The following INSIG2 variants were observed in gnomAD, a reference collection of about 807,000 sequenced individuals.
INSIG2 encodes the protein insulin-induced gene 2 protein.
INSIG2 carries 10 observed loss-of-function variants against 27.2 expected under a neutral mutation model. That is an observed-to-expected ratio of 0.37 (90% confidence interval 0.23 to 0.62). The LOEUF is 0.62. INSIG2 is among the 20% of genes least tolerant of loss of function. The pLI is 0.65. For missense variants in INSIG2, 178 were observed against 270.2 expected, an observed-to-expected ratio of 0.66 and a Z score of 2.39; for synonymous variants, 97 against 95.8, an observed-to-expected ratio of 1.01 and a Z score of -0.07.
At chr2:118,108,212 G>GT (rs2104542514) in intron 5 of INSIG2, 69 bp from the exon 6 acceptor site, 1 of 1,025,466 alleles carries the variant, frequency 9.8e-7, no homozygotes, top group Admixed American at 2.4e-5. Context: ...GAGCTTTTCA[G>GT]TTTATTTGGA....
intron 2 of INSIG2, 112 bp downstream of exon 2, chr2:118,096,912 AT>A: frequency 1.7e-6 from 2 of 1,209,322 alleles, no homozygotes; most frequent in Non-Finnish European, 2.3e-6. Flanking sequence ...TTGAGATATA[AT>A]TTAGGTATAA....
At chr2:118,093,070 A>G (rs1678298732) in intron 1 of INSIG2, among the ~76,000 whole-genome samples, 1 of 103,208 alleles carries the variant, frequency 9.7e-6, no homozygotes, top group South Asian at 3.4e-4. Flanking sequence ...ACCTTGCCAA[A>G]AGCAACCAGA....
intron 1 of INSIG2, among the ~76,000 whole-genome samples, chr2:118,091,576 G>C (rs142407228): frequency 6.6e-6 from 1 of 152,120 alleles, no homozygotes; most frequent in Non-Finnish European, 1.5e-5. Flanking sequence ...TCGCATGGGG[G>C]TCTCATACCC....
chr2:118,101,311 G>A (rs775319927), intron 2 of INSIG2, among the ~76,000 whole-genome samples: 11 of 152,144 alleles, frequency 7.2e-5, no homozygotes, highest in Non-Finnish European at 1.5e-4. Context: ...ATTTTTATTG[G>A]CAAATCCCAG....
chr2:118,102,045 A>AG (rs1490695908), intron 2 of INSIG2, among the ~76,000 whole-genome samples: 1 of 152,212 alleles, frequency 6.6e-6, no homozygotes, highest in East Asian at 1.9e-4. Flanking sequence ...TGTGAGATAC[A>AG]GCTGGCTAAT....
intron 2 of INSIG2, among the ~76,000 whole-genome samples, chr2:118,102,025 A>G (rs974646390): frequency 6.6e-6 from 1 of 152,192 alleles, no homozygotes; most frequent in African/African-American, 2.4e-5. Context: ...CGAAGAGTGA[A>G]TGCATTGCCT....
chr2:118,093,947 G>T lies in INSIG2; in HGVS notation c.-138-2472G>T, dbSNP rs1223435623. Reference sequence around the variant, plus strand: ...CAGATGATGATGATGATGATGAGGAGGAGGAGGAGGAGGAGGAGGAGGAGG... The same window carrying T: ...CAGATGATGATGATGATGATGAGGATGAGGAGGAGGAGGAGGAGGAGGAGG... On this transcript the variant is annotated intron_variant, in intron 1 of 5. Coordinates refer to ENST00000245787, the MANE Select transcript of INSIG2 (RefSeq NM_016133.4). Among the ~76,000 whole-genome samples the T allele has an allele frequency of 1.1e-3, 39 of 36,262 alleles. 2 individuals are homozygous for T. Among genetic ancestry groups the T allele is most frequent in the African/African-American group, 2.8e-3 (25 of 8,988 alleles). The allele number at this position is 36,262 out of a possible 152,430, so 23.8% of individuals were successfully genotyped here.
At chr2:118,106,531 T>G in intron 3 of INSIG2, 1 of 495,736 alleles carries the variant, frequency 2.0e-6, no homozygotes, top group South Asian at 3.9e-5. Flanking sequence ...ATCTATTGAT[T>G]AATGTCTTTT....
intron 5 of INSIG2, 30 bp from the exon 6 acceptor site, chr2:118,108,251 G>A (rs1558838342): frequency 6.6e-7 from 1 of 1,517,726 alleles, no homozygotes; most frequent in South Asian, 1.2e-5. Context: ...GTCTTAATCT[G>A]TTAACCTTTT....
intron 2 of INSIG2, among the ~76,000 whole-genome samples, chr2:118,102,210 C>G (rs1011302317): frequency 1.3e-5 from 2 of 152,188 alleles, no homozygotes; most frequent in Non-Finnish European, 2.9e-5. Context: ...ACATAATCAT[C>G]CTGTTTTTAG....
chr2:118,092,339 T>G (rs1233387512), intron 1 of INSIG2, among the ~76,000 whole-genome samples: 5 of 152,188 alleles, frequency 3.3e-5, no homozygotes, highest in Non-Finnish European at 1.5e-5. Context: ...CTTTAAAACA[T>G]TTTCACACCT....
At chr2:118,102,632 C>G (rs1365431521) in intron 2 of INSIG2, 2 of 152,908 alleles carry the variant, frequency 1.3e-5, no homozygotes, top group Non-Finnish European at 2.9e-5. Context: ...AAAGGTGCTA[C>G]ATGCTGAAGA....
chr2:118,093,537 G>GATGAT (rs1678316372), intron 1 of INSIG2, among the ~76,000 whole-genome samples: 1 of 5,952 alleles, frequency 1.7e-4, no homozygotes, highest in African/African-American at 5.4e-4. Flanking sequence ...TGATGATGAT[G>GATGAT]GAGAGTTCTG....
chr2:118,110,247 TA>T lies in INSIG2; in HGVS notation c.*1926del, dbSNP rs1678780622. The T allele has an allele frequency of 6.6e-6, 1 of 152,202 alleles. No individual in the cohort carries two copies. Among genetic ancestry groups the T allele is most frequent in the Non-Finnish European group, 1.5e-5 (1 of 68,034 alleles). The allele number at this position is 152,202 out of a possible 1,614,324, so 9.4% of individuals were successfully genotyped here. On this transcript the variant is annotated 3_prime_UTR_variant, in exon 6 of 6. Coordinates refer to ENST00000245787, the MANE Select transcript of INSIG2 (RefSeq NM_016133.4). The stretch of plus-strand genomic sequence containing the variant: ...CTCCAAAACTTAACTACTAATAGCC[TA>T]CTCTTGATGGGAAGCCTTACCAATA...
chr2:118,103,289 G>A lies in INSIG2; in HGVS notation c.337G>A (p.Ala113Thr). The A allele has an allele frequency of 6.2e-7, 1 of 1,613,480 alleles. No homozygotes were observed. Among genetic ancestry groups the A allele is most frequent in the Non-Finnish European group, 8.5e-7 (1 of 1,179,614 alleles). The change falls in exon 3 of 6, where the codon GCA becomes ACA. Residue 113 changes from alanine to threonine, a missense_variant. Transcript: ENST00000245787. ...REWSSVMRCV[A>T]VFVGINHASA... is the part of the protein sequence containing the mutation. ...GTGGTCCAGTGTAATGCGGTGTGTA[G>A]CAGTCTTTGTTGGTATAAATCATGC...
chr2:118,103,080 G>GTTTT, intron 2 of INSIG2, 117 bp from the exon 3 acceptor site: 3 of 646,348 alleles, frequency 4.6e-6, no homozygotes, highest in African/African-American at 2.0e-5. Context: ...TTTTTTTTTT[G>GTTTT]TTTTTTTTTT....
intron 2 of INSIG2, chr2:118,102,589 A>G (rs1301391875): frequency 6.6e-6 from 1 of 152,372 alleles, no homozygotes; most frequent in Non-Finnish European, 1.5e-5. Flanking sequence ...CTACAGCCTC[A>G]TTAAAGGGCT....
chr2:118,096,582 C>G lies in INSIG2; in HGVS notation c.26C>G (p.Pro9Arg), dbSNP rs767939848. 1.2e-6 allele frequency: 2 copies of G among 1,613,646 alleles called. No homozygotes were observed. Among genetic ancestry groups the G allele is most frequent in the African/African-American group, 1.3e-5 (1 of 74,948 alleles). MAEGETES[P>R]GPKKCGPYIS... ...ATGGCAGAAGGAGAGACAGAGTCAC[C>G]TGGGCCCAAAAAGTGTGGCCCATAT... The change falls in exon 2 of 6, where the codon CCT (proline) becomes CGT (arginine). Residue 9 changes from proline (P) to arginine (R), a missense_variant. Transcript: ENST00000245787.
Position 118,110,078 on chromosome 2 carries a change from G to C in INSIG2, c.*1756G>C, listed in dbSNP as rs1452646292. ...GGTAAGTCTTAGAATATGGTACTGT[G>C]GATTAATCTAATGAAATTAACATAT... On this transcript the variant is annotated 3_prime_UTR_variant, in exon 6 of 6. Transcript: ENST00000245787. The C allele has an allele frequency of 6.6e-6, 1 of 152,312 alleles. No individual in the cohort carries two copies. Among genetic ancestry groups the C allele is most frequent in the Non-Finnish European group, 1.5e-5 (1 of 67,990 alleles). 9.4% of individuals were successfully genotyped at this position (152,312 alleles called of 1,614,324 possible).
Sources: gnomAD v4.1 joint callset for allele counts (sites outside exome capture counted in the v4.1 genomes callset) on GRCh38, gnomAD v4.1.1 for gene constraint, MANE v1.5 for transcripts, NCBI Gene and HGNC (gene_info 2026-07-23, HGNC 2026-07-21) for gene names.